The following DEAF1 variants were observed in gnomAD, a reference collection of about 807,000 sequenced individuals.
DEAF1 encodes deformed epidermal autoregulatory factor 1 homolog.
DEAF1 carries 53 observed loss-of-function variants against 58.9 expected under a neutral mutation model. That is an observed-to-expected ratio of 0.90 (90% CI 0.72 to 1.13). The LOEUF is 1.13. Ranked by LOEUF, DEAF1 falls within the 50% of genes most tolerant of loss-of-function variation. The pLI, the probability that DEAF1 is intolerant of heterozygous loss-of-function variation, is 0.00. For missense variants in DEAF1, 685 were observed against 791.4 expected, an observed-to-expected ratio of 0.87 and a Z score of 1.61; for synonymous variants, 385 against 340.4, an observed-to-expected ratio of 1.13 and a Z score of -1.44.
At position 678,711 on chromosome 11, in the gene DEAF1, G is replaced by A. The variant is rs1398489320; in HGVS notation, c.1238C>T (p.Thr413Met). ...AAACCTACCTATTTTGGGATGTGAC[G>A]TTGGCAACGCAGCTTCTGGAAACGG... The part of the protein sequence containing the change: ...IAPFPEAALP[T>M]SHPKIVLTSL... The change falls in exon 9 of 12, where the codon ACG becomes ATG. Residue 413 changes from threonine (T) to methionine (M), a missense_variant. Physicochemically the swap from Thr to Met is moderately conservative, Grantham distance 81. Around this residue, in one of 3 missense-constraint regions of DEAF1, gnomAD observed 343 missense variants for 379.8 expected, o/e 0.90. Coordinates refer to ENST00000382409, the MANE Select transcript of DEAF1 (RefSeq NM_021008.4). 7.4e-6 allele frequency: 12 copies of A among 1,614,032 alleles called. No homozygotes were observed. Among genetic ancestry groups the A allele is most frequent in the Admixed American group, 1.7e-5 (1 of 60,004 alleles).
chr11:686,872 G>A lies in DEAF1; in HGVS notation c.790C>T (p.Gln264Ter). The change falls in exon 5 of 12, where the codon CAG becomes TAG. Residue 264 changes from glutamine (Q) to a stop codon, truncating the protein, a stop_gained. Coordinates refer to ENST00000382409, the MANE Select transcript of DEAF1 (RefSeq NM_021008.4). LOFTEE classifies it high-confidence loss of function. ...RSIRYAGRPLQCLIQDGILNP... is the reference protein window; with the variant it reads ...RSIRYAGRPL ...ACGGACGATACCTGGATGAGGCACT[G>A]CAAGGGTCGGCCCGCGTAGCGAATG... 1 of 1,614,206 alleles carries A rather than the reference G, an allele frequency of 6.2e-7. No individual in the cohort carries two copies. The highest frequency in any genetic ancestry group is 8.5e-7 in the Non-Finnish European group (1 of 1,180,050).
At chr11:654,099 C>T (rs748012190) in intron 10 of DEAF1, 48 bp from the exon 11 acceptor site, 2 of 1,541,006 alleles carry the variant, frequency 1.3e-6, no homozygotes, top group South Asian at 2.2e-5. Context: ...CCGTGGAGAG[C>T]CCCTGAGACA....
chr11:670,477 G>A (rs1438370814), intron 10 of DEAF1, among the ~76,000 whole-genome samples: 1 of 151,082 alleles, frequency 6.6e-6, no homozygotes, highest in Non-Finnish European at 1.5e-5. Context: ...CACTTTGGGA[G>A]GCCAAGGCAA....
At chr11:658,677 TG>T (rs1397550807) in intron 10 of DEAF1, among the ~76,000 whole-genome samples, 2 of 152,272 alleles carry the variant, frequency 1.3e-5, no homozygotes, top group African/African-American at 4.8e-5. Context: ...CAGAGTTCTC[TG>T]GGCCGCAGGC....
chr11:698,945 C>G (rs956293094), upstream of DEAF1: 3 of 1,608,032 alleles, frequency 1.9e-6, no homozygotes, highest in Non-Finnish European at 8.5e-7. Flanking sequence ...TGCTGCTGCA[C>G]AGAGAGCACT....
chr11:699,929 G>C, upstream of DEAF1: 1 of 554,626 alleles, frequency 1.8e-6, no homozygotes, highest in South Asian at 2.1e-5. Context: ...GCATGGAGGG[G>C]GGTCCCACAA....
intron 10 of DEAF1, among the ~76,000 whole-genome samples, chr11:669,885 G>GCATCA (rs1472409147): frequency 7.2e-6 from 1 of 138,178 alleles, no homozygotes; most frequent in African/African-American, 2.7e-5. Context: ...AGCCGAGATT[G>GCATCA]CATCAGTGTA....
At chr11:650,122 C>T (rs1373086677) in intron 11 of DEAF1, among the ~76,000 whole-genome samples, 1 of 151,780 alleles carries the variant, frequency 6.6e-6, no homozygotes, top group Non-Finnish European at 1.5e-5. Flanking sequence ...CACCTGTAAT[C>T]CCACCACTTT....
chr11:706,302 A>G (rs1442077572), intron 1 of DEAF1: 5 of 151,318 alleles, frequency 3.3e-5, no homozygotes, highest in African/African-American at 7.3e-5. Context: ...AGCGCTGCGG[A>G]CACGGGGGAG....
At chr11:645,199 TAA>T (rs1380317415) in intron 11 of DEAF1, among the ~76,000 whole-genome samples, 1 of 146,472 alleles carries the variant, frequency 6.8e-6, no homozygotes, top group African/African-American at 2.5e-5. Context: ...CAAACCAGGG[TAA>T]GACTCTCCAA....
rs961841032 is a variant in DEAF1 at position 703,942 on chromosome 11, C to T, written c.-438+2630G>A. ...ACGGAGTGCTAAACAAATTCTAGCT[C>T]TGTGTTTTTTTCCCATTCCCAGATT... On this transcript the variant is annotated intron_variant, in intron 1 of 11. Coordinates refer to the DEAF1 transcript ENST00000683307. 6 of 1,243,702 alleles carry T rather than the reference C, an allele frequency of 4.8e-6. No homozygotes were observed. The South Asian group carries it at 1.2e-4, about 24-fold the overall frequency. The allele number at this position is 1,243,702 out of a possible 1,614,324, so 77.0% of individuals were successfully genotyped here.
At chr11:672,925 G>C (rs1859894216) in intron 10 of DEAF1, among the ~76,000 whole-genome samples, 1 of 151,900 alleles carries the variant, frequency 6.6e-6, no homozygotes, top group Admixed American at 6.6e-5. Context: ...CAGGCGGGTA[G>C]ATCACTTGAG....
chr11:698,032 G>C (rs1464621861), upstream of DEAF1: 2 of 152,292 alleles, frequency 1.3e-5, no homozygotes, highest in African/African-American at 4.8e-5. Context: ...GCTGTGTTCA[G>C]GTTGCTGTCC....
chr11:655,828 TTTA>T (rs150500228), intron 10 of DEAF1, among the ~76,000 whole-genome samples: 322 of 151,614 alleles, frequency 2.1e-3, no homozygotes, highest in South Asian at 4.0e-3. Flanking sequence ...ACTTTATTTA[TTTA>T]TTATTATTAT....
rs368252201 is a variant in DEAF1, at chr11:691,640, G to C, written c.290-42C>G. On this transcript the variant is annotated intron_variant, in intron 1 of 11. Coordinates refer to ENST00000382409, the MANE Select transcript of DEAF1 (RefSeq NM_021008.4). Reference sequence around the variant, plus strand: ...CTCATTTAACAAGCAACAAAAGCCAGAATGGACAAAGCGAACAGCCTCGCT... The same window carrying C: ...CTCATTTAACAAGCAACAAAAGCCACAATGGACAAAGCGAACAGCCTCGCT... The C allele has an allele frequency of 2.5e-6, 4 of 1,580,066 alleles. No homozygotes were observed. The South Asian group carries it at 4.5e-5, about 18-fold the overall frequency.
intron 11 of DEAF1, among the ~76,000 whole-genome samples, chr11:645,318 G>T (rs1379059971): frequency 5.9e-5 from 9 of 152,044 alleles, no homozygotes; most frequent in South Asian, 2.1e-4. Context: ...TTCTGTGGGG[G>T]TTTTTTTGTT....
At chr11:700,905 A>C (rs930639374) in intron 1 of DEAF1, 1 of 620,556 alleles carries the variant, frequency 1.6e-6, no homozygotes, top group African/African-American at 1.8e-5. Context: ...GACAAATAAC[A>C]CTGGGGGCAT....
intron 1 of DEAF1, among the ~76,000 whole-genome samples, chr11:692,903 C>CCAGG (rs1860894799): frequency 1.3e-5 from 2 of 151,908 alleles, no homozygotes; most frequent in South Asian, 4.1e-4. Flanking sequence ...CCAGACCACA[C>CCAGG]CAGGTGCACG....
chr11:650,565 C>G (rs565618836), intron 11 of DEAF1, among the ~76,000 whole-genome samples: 127 of 152,268 alleles, frequency 8.3e-4, no homozygotes, highest in Non-Finnish European at 1.7e-3. Context: ...GTTGGCCAGG[C>G]TGGCCCTGGG....
Sources: gnomAD v4.1 joint callset for allele counts (sites outside exome capture counted in the v4.1 genomes callset) on GRCh38, gnomAD v4.1.1 for gene constraint, gnomAD v4.1.1 regional missense constraint, MANE v1.5 for transcripts, NCBI Gene and HGNC (gene_info 2026-07-23, HGNC 2026-07-21) for gene names.